The following WIPI1 variants were observed in gnomAD, a reference collection of about 807,000 sequenced individuals.
The protein encoded by WIPI1 is WD repeat domain, phosphoinositide interacting 1.
In WIPI1, 45 loss-of-function variants were observed where a neutral mutation model predicts 55.3. The observed-to-expected ratio is 0.81, with a 90% CI of 0.64 to 1.04. The LOEUF is 1.04. Among genes scored for constraint, WIPI1 ranks in the 50% least tolerant of loss-of-function variants. WIPI1 has a pLI of 0.00. For missense variants in WIPI1, 445 were observed against 559.0 expected, an observed-to-expected ratio of 0.80 and a Z score of 2.06; for synonymous variants, 195 against 217.6, an observed-to-expected ratio of 0.90 and a Z score of 0.92.
chr17:68,431,867 C>T (rs1037382624), intron 8 of WIPI1, among the ~76,000 whole-genome samples: 2 of 70,952 alleles, frequency 2.8e-5, no homozygotes, highest in African/African-American at 1.1e-4. Flanking sequence ...AAATCAATCT[C>T]TGATAATAAT....
chr17:68,443,406 C>T (rs2084162107), intron 4 of WIPI1, among the ~76,000 whole-genome samples: 1 of 152,210 alleles, frequency 6.6e-6, no homozygotes, highest in African/African-American at 2.4e-5. Context: ...AGCCACCGCA[C>T]CCGGCTAGCT....
intron 4 of WIPI1, among the ~76,000 whole-genome samples, chr17:68,438,725 C>T (rs980572196): frequency 3.3e-5 from 5 of 152,146 alleles, no homozygotes; most frequent in East Asian, 3.9e-4. Flanking sequence ...CTCAGCCTGC[C>T]AAGTAGCTGG....
Position 68,427,205 on chromosome 17 carries a change from T to G in WIPI1, c.1122A>C (p.Arg374Ser). 6.2e-7 allele frequency: 1 copy of G among 1,614,214 alleles called. No homozygotes were observed. Among genetic ancestry groups the G allele is most frequent in the Non-Finnish European group, 8.5e-7 (1 of 1,180,042 alleles). The part of the protein sequence containing the change: ...TTEENKENDL[R>S]PSLPQSYAAT... ...CTGCATAAGACTGAGGTAAGGAAGG[T>G]CTGAGGTCATTTTCTTTATTCTCTT... Residue 374 changes from arginine (R) to serine (S), a missense_variant, in exon 11 of 13, where the codon AGA (arginine) becomes AGC (serine). By Grantham distance (110) the Arg-to-Ser change is moderately radical. Coordinates refer to ENST00000262139, the MANE Select transcript of WIPI1 (RefSeq NM_017983.7).
chr17:68,456,257 G>C (rs1296148375), intron 1 of WIPI1, among the ~76,000 whole-genome samples: 1 of 152,146 alleles, frequency 6.6e-6, no homozygotes, highest in African/African-American at 2.4e-5. Flanking sequence ...GTTCAGCACC[G>C]GGTGTTTTTA....
intron 7 of WIPI1, 75 bp downstream of exon 7, chr17:68,434,481 T>C: frequency 6.6e-7 from 1 of 1,513,782 alleles, no homozygotes; most frequent in South Asian, 1.2e-5. Flanking sequence ...CTCTGTCCTC[T>C]CCCTAGACAG....
intron 3 of WIPI1, chr17:68,448,185 C>T (rs568970387): frequency 6.6e-6 from 1 of 152,238 alleles, no homozygotes; most frequent in East Asian, 1.9e-4. Context: ...GGCAGTCCTC[C>T]CGGACACCAC....
rs767416077 is a variant in WIPI1 at position 68,426,142 on chromosome 17, TCTC to T, written c.1223_1225del (p.Gly408del). On this transcript the variant is annotated inframe_deletion, in exon 12 of 13. Transcript: ENST00000262139. Reference sequence around the variant, plus strand: ...CGCAAACTCATGTTCAGGAATAACTTCTCCTCGCAGCGCCCCGCCGTCCTCAGA... The same window carrying T: ...CGCAAACTCATGTTCAGGAATAACTTCTCGCAGCGCCCCGCCGTCCTCAGA... 74 of 1,609,344 alleles carry T rather than the reference TCTC, an allele frequency of 4.6e-5. No homozygotes were observed. The highest frequency in any genetic ancestry group is 2.1e-4 in the Middle Eastern group (1 of 4,666).
At chr17:68,450,966 C>T in intron 2 of WIPI1, 69 bp from the exon 3 acceptor site, 2 of 1,544,464 alleles carry the variant, frequency 1.3e-6, no homozygotes, top group Non-Finnish European at 1.7e-6. Context: ...GCCTCCATGA[C>T]ACTGGGCCCG....
At chr17:68,425,564 G>C (rs1262862799) in intron 12 of WIPI1, among the ~76,000 whole-genome samples, 1 of 152,084 alleles carries the variant, frequency 6.6e-6, no homozygotes, top group Admixed American at 6.5e-5. Context: ...GGAGGTGCGG[G>C]TCTGCCGGCC....
intron 5 of WIPI1, 68 bp downstream of exon 5, chr17:68,436,314 T>A (rs748671646): frequency 6.9e-7 from 1 of 1,457,892 alleles, no homozygotes; most frequent in Non-Finnish European, 9.6e-7. Flanking sequence ...GGCGTCCTTA[T>A]CTATCTCCTT....
intron 7 of WIPI1, among the ~76,000 whole-genome samples, chr17:68,433,990 C>T (rs1229288245): frequency 6.6e-6 from 1 of 151,900 alleles, no homozygotes; most frequent in Non-Finnish European, 1.5e-5. Context: ...ACCATGTTGG[C>T]CAGGCTGGTC....
chr17:68,431,384 G>A (rs1314167086), intron 8 of WIPI1, among the ~76,000 whole-genome samples: 1 of 152,008 alleles, frequency 6.6e-6, no homozygotes, highest in Admixed American at 6.6e-5. Context: ...AGCCCGGCAC[G>A]TGGCGCATAC....
intron 4 of WIPI1, among the ~76,000 whole-genome samples, chr17:68,442,479 A>G (rs1020786052): frequency 1.3e-5 from 2 of 151,968 alleles, no homozygotes; most frequent in African/African-American, 4.8e-5. Flanking sequence ...AAAAAAAAAA[A>G]AAAAGGAGAA....
chr17:68,444,172 G>A (rs975831108), intron 4 of WIPI1, among the ~76,000 whole-genome samples: 4 of 152,128 alleles, frequency 2.6e-5, no homozygotes, highest in Non-Finnish European at 5.9e-5. Flanking sequence ...AACAATTAGG[G>A]GTAAACACTT....
At position 68,434,306 on chromosome 17, in the gene WIPI1, G is replaced by T. The variant is rs144308271; in HGVS notation, c.692+250C>A. Among the ~76,000 whole-genome samples, 28 of 152,284 alleles carry T rather than the reference G, an allele frequency of 1.8e-4. 1 individual carries two copies. Among genetic ancestry groups the T allele is most frequent in the African/African-American group, 6.7e-4 (28 of 41,556 alleles). On this transcript the variant is annotated intron_variant, in intron 7 of 12. Coordinates refer to ENST00000262139, the MANE Select transcript of WIPI1 (RefSeq NM_017983.7). ...ACTCCCTGGCTCTCTCATTTCTCCT[G>T]TGCCGGCCGCCCACACACACATCAA...
intron 4 of WIPI1, among the ~76,000 whole-genome samples, chr17:68,441,295 A>G (rs2147934373): frequency 6.6e-6 from 1 of 152,352 alleles, no homozygotes; most frequent in African/African-American, 2.4e-5. Context: ...AGAAAGAAGG[A>G]AATTTACAGC....
chr17:68,429,938 T>A, intron 9 of WIPI1, 58 bp downstream of exon 9: 1 of 1,606,288 alleles, frequency 6.2e-7, no homozygotes, highest in Non-Finnish European at 8.5e-7. Context: ...TTTTGTGCTT[T>A]GGAAAAATAC....
At chr17:68,450,661 A>G (rs2084464042) in intron 3 of WIPI1, 67 bp downstream of exon 3, 4 of 1,528,642 alleles carry the variant, frequency 2.6e-6, no homozygotes, top group Non-Finnish European at 2.6e-6. Flanking sequence ...ATCTTGAAAG[A>G]TGTCCATCTT....
intron 4 of WIPI1, among the ~76,000 whole-genome samples, chr17:68,438,266 G>A (rs949195231): frequency 1.4e-5 from 2 of 147,446 alleles, no homozygotes; most frequent in African/African-American, 2.5e-5. Flanking sequence ...CCCCTTTGGC[G>A]ATACAAGGTC....
Sources: gnomAD v4.1 joint callset for allele counts (sites outside exome capture counted in the v4.1 genomes callset) on GRCh38, gnomAD v4.1.1 for gene constraint, MANE v1.5 for transcripts, NCBI Gene and HGNC (gene_info 2026-07-23, HGNC 2026-07-21) for gene names.